RBFOX1: variants seen among roughly 807,000 people sequenced by gnomAD.
RBFOX1 encodes RNA binding protein fox-1 homolog 1.
Under a neutral mutation model 57.7 loss-of-function variants are expected in RBFOX1, and 8 were observed. That is an observed-to-expected ratio of 0.14 (90% CI 0.08 to 0.25). The LOEUF is 0.25. RBFOX1 is among the 10% of genes least tolerant of loss of function. The pLI is 1.00. For synonymous variants in RBFOX1, 326 were observed against 222.4 expected, an observed-to-expected ratio of 1.47 and a Z score of -4.15; for missense variants, 611 against 548.5, an observed-to-expected ratio of 1.11 and a Z score of -1.14.
chr16:5,649,926 ACTCGAGTTCGCAAGAATCG>A (rs1567346121), intron 3 of RBFOX1, among the ~76,000 whole-genome samples: 3 of 152,106 alleles, frequency 2.0e-5, no homozygotes, highest in Non-Finnish European at 4.4e-5. Flanking sequence ...AGGAGGTAGC[ACTCGAGTTCGCAAGAATCG>A]CCTCCCGGTG....
intron 3 of RBFOX1, among the ~76,000 whole-genome samples, chr16:7,029,838 G>A (rs1419378098): frequency 6.6e-6 from 1 of 152,112 alleles, no homozygotes; most frequent in East Asian, 1.9e-4. Flanking sequence ...ATTTCTTGAA[G>A]ATGAAAGAAT....
rs529412369 is a variant in RBFOX1 at position 7,664,764 on chromosome 16, T to TCAACTGC, written c.891-163_891-157dup. On this transcript the variant is annotated intron_variant, in intron 12 of 15. Coordinates refer to ENST00000550418, the MANE Select transcript of RBFOX1 (RefSeq NM_018723.4). Reference sequence around the variant, plus strand: ...GCCCGGCCTAATTTTCTCGGTTTGCTCAACTGCCGTTGTCTCCAACCTCCT... The same window carrying TCAACTGC: ...GCCCGGCCTAATTTTCTCGGTTTGCTCAACTGCCAACTGCCGTTGTCTCCAACCTCCT... 6.0e-5 allele frequency: 76 copies of TCAACTGC among 1,265,790 alleles called. 1 individual carries two copies. The East Asian group carries it at 1.7e-3, about 29-fold the overall frequency. The allele number at this position is 1,265,790 out of a possible 1,614,324, so 78.4% of individuals were successfully genotyped here.
intron 1 of RBFOX1, among the ~76,000 whole-genome samples, chr16:6,131,356 C>G (rs182530252): frequency 2.0e-4 from 30 of 152,310 alleles, no homozygotes; most frequent in African/African-American, 7.2e-4. Flanking sequence ...TTGTCAAAGG[C>G]TGCTTTTGCA....
In RBFOX1 at chr16:6,473,114, GC is replaced by G. The variant is rs538422775; in HGVS notation, c.-64+156060del. ...GTCTTCTGCCCGGGGACCCCAGGAT[GC>G]CCTGCAACACATGGAAATAAAATTT... On this transcript the variant is annotated intron_variant, in intron 2 of 15. Coordinates refer to ENST00000550418, the MANE Select transcript of RBFOX1 (RefSeq NM_018723.4). Among the ~76,000 whole-genome samples, 34 of 152,270 alleles carry G rather than the reference GC, an allele frequency of 2.2e-4. No individual in the cohort carries two copies. In the East Asian group the frequency reaches 6.4e-3, roughly 29 times the overall value.
chr16:7,024,019 C>T (rs190289792), intron 3 of RBFOX1, among the ~76,000 whole-genome samples: 29 of 152,092 alleles, frequency 1.9e-4, no homozygotes, highest in African/African-American at 6.3e-4. Flanking sequence ...TCCTGATAAC[C>T]GTATGTTGAA....
chr16:6,037,346 G>A (rs985289656), intron 1 of RBFOX1: 2 of 152,054 alleles, frequency 1.3e-5, no homozygotes, highest in African/African-American at 4.8e-5. Context: ...ATGAGTTTTT[G>A]CGGGAGAATA....
chr16:6,730,769 A>G (rs906164462), intron 3 of RBFOX1, among the ~76,000 whole-genome samples: 33 of 152,190 alleles, frequency 2.2e-4, no homozygotes, highest in African/African-American at 7.7e-4. Flanking sequence ...TAGGAATTCT[A>G]GAGTTGGAAG....
rs534490839 is a variant in RBFOX1, at chr16:6,432,613, C to T, written c.-64+115556C>T. ...ACAAGAATTGCCTGAACCCAGGAGG[C>T]GGAGGTTGCAGTGAGCCGAGATCGC... On this transcript the variant is annotated intron_variant, in intron 2 of 15. Transcript: ENST00000550418. 7.3e-5 allele frequency among the ~76,000 whole-genome samples: 11 copies of T among 151,462 alleles called. No homozygotes were observed. In the South Asian group the frequency reaches 8.4e-4, roughly 12 times the overall value.
intron 4 of RBFOX1, among the ~76,000 whole-genome samples, chr16:7,498,704 A>G (rs1328341138): frequency 1.3e-5 from 2 of 152,174 alleles, no homozygotes; most frequent in Non-Finnish European, 2.9e-5. Context: ...ATTTCAGACC[A>G]GCCACATTTC....
At chr16:7,112,002 T>A (rs547688573) in intron 4 of RBFOX1, among the ~76,000 whole-genome samples, 1 of 152,310 alleles carries the variant, frequency 6.6e-6, no homozygotes, top group South Asian at 2.1e-4. Flanking sequence ...GTTTGGCCTA[T>A]ACAGATTGTA....
intron 3 of RBFOX1, among the ~76,000 whole-genome samples, chr16:7,032,394 G>T (rs1355303333): frequency 6.6e-6 from 1 of 151,978 alleles, no homozygotes; most frequent in African/African-American, 2.4e-5. Context: ...GCAGTGAGCT[G>T]AGATCCCAGT....
intron 3 of RBFOX1, among the ~76,000 whole-genome samples, chr16:6,669,022 C>T (rs1262248246): frequency 6.6e-6 from 1 of 152,126 alleles, no homozygotes; most frequent in African/African-American, 2.4e-5. Flanking sequence ...TATTATCCCA[C>T]TTCTTGATGT....
At chr16:7,332,837 CG>C in intron 4 of RBFOX1, 1 of 1,439,514 alleles carries the variant, frequency 6.9e-7, no homozygotes, top group South Asian at 1.6e-5. Flanking sequence ...GTTGCTGATG[CG>C]GATTTTCTTT....
At chr16:5,657,775 C>T (rs374638757) in intron 3 of RBFOX1, among the ~76,000 whole-genome samples, 16 of 144,812 alleles carry the variant, frequency 1.1e-4, no homozygotes, top group African/African-American at 3.8e-4. Context: ...CTCTGTCACC[C>T]AGGTTGGAGT....
At chr16:7,342,591 T>C (rs560721332) in intron 4 of RBFOX1, among the ~76,000 whole-genome samples, 2 of 152,216 alleles carry the variant, frequency 1.3e-5, no homozygotes, top group African/African-American at 2.4e-5. Context: ...GGAGAATGTT[T>C]ACACTTCTCT....
At chr16:6,308,151 T>C (rs890155872) in intron 1 of RBFOX1, among the ~76,000 whole-genome samples, 3 of 151,828 alleles carry the variant, frequency 2.0e-5, no homozygotes, top group Non-Finnish European at 4.4e-5. Flanking sequence ...ACTGAGTTAT[T>C]TGGAATGTCA....
intron 3 of RBFOX1, chr16:6,703,976 C>T (rs527323306): frequency 4.9e-4 from 75 of 152,560 alleles, no homozygotes; most frequent in African/African-American, 1.6e-3. Flanking sequence ...AGTCCCCCTG[C>T]TTTGATTTTA....
chr16:5,858,035 G>A (rs2057116267), intron 3 of RBFOX1, among the ~76,000 whole-genome samples: 1 of 152,172 alleles, frequency 6.6e-6, no homozygotes, highest in Non-Finnish European at 1.5e-5. Context: ...ACTTCCACAA[G>A]CAGAGGTATG....
chr16:5,876,989 C>T (rs556202527), intron 4 of RBFOX1, among the ~76,000 whole-genome samples: 22 of 152,192 alleles, frequency 1.4e-4, no homozygotes, highest in African/African-American at 4.1e-4. Context: ...CAGTCTAGAA[C>T]GTGGTGAGTT....
Sources: gnomAD v4.1 joint callset for allele counts (sites outside exome capture counted in the v4.1 genomes callset) on GRCh38, gnomAD v4.1.1 for gene constraint, MANE v1.5 for transcripts, NCBI Gene and HGNC (gene_info 2026-07-23, HGNC 2026-07-21) for gene names.